Variants in PAX3 observed in about 807,000 individuals in gnomAD.
PAX3 encodes the protein paired box protein Pax-3.
PAX3 carries 14 observed loss-of-function variants against 51.6 expected under a neutral mutation model. That is an observed-to-expected ratio of 0.27 (90% CI 0.18 to 0.42). PAX3 has a LOEUF of 0.42. PAX3 is among the 10% of genes least tolerant of loss of function. PAX3 has a pLI of 1.00. For synonymous variants in PAX3, 280 were observed against 253.4 expected (o/e 1.11, Z -1.00); for missense variants, 540 against 642.8 (o/e 0.84, Z 1.73).
At chr2:222,250,517 AG>A (rs1693388603) in intron 4 of PAX3, among the ~76,000 whole-genome samples, 1 of 152,222 alleles carries the variant, frequency 6.6e-6, no homozygotes, top group Non-Finnish European at 1.5e-5. Context: ...ACTTCGAAAA[AG>A]GTATTATGAA....
chr2:222,298,461 C>A, intron 1 of PAX3, 70 bp downstream of exon 1: 3 of 1,314,294 alleles, frequency 2.3e-6, no homozygotes, highest in Non-Finnish European at 3.2e-6. Flanking sequence ...GCCTGCGGAG[C>A]CTGGGGATGG....
intron 5 of PAX3, among the ~76,000 whole-genome samples, chr2:222,230,854 CAAAA>C (rs5838938): frequency 3.7e-5 from 4 of 108,724 alleles, no homozygotes; most frequent in African/African-American, 3.8e-5. Flanking sequence ...GACTCCACCT[CAAAA>C]AAAAAAAAAA....
intron 4 of PAX3, among the ~76,000 whole-genome samples, chr2:222,253,709 G>A (rs1390430207): frequency 6.6e-6 from 1 of 151,560 alleles, no homozygotes; most frequent in Non-Finnish European, 1.5e-5. Context: ...GGAGTGCAGT[G>A]TCATGATCCT....
At chr2:222,257,842 C>T (rs1043769387) in intron 4 of PAX3, among the ~76,000 whole-genome samples, 1 of 152,188 alleles carries the variant, frequency 6.6e-6, no homozygotes, top group Non-Finnish European at 1.5e-5. Context: ...CCCAGGGTCA[C>T]CCCCACGCTG....
chr2:222,274,939 T>C (rs1455743812), intron 4 of PAX3, among the ~76,000 whole-genome samples: 1 of 152,210 alleles, frequency 6.6e-6, no homozygotes, highest in East Asian at 1.9e-4. Flanking sequence ...GTTTTGTCTG[T>C]GGATATGGAA....
chr2:222,217,763 C>A (rs1363105078), intron 7 of PAX3, among the ~76,000 whole-genome samples: 1 of 152,112 alleles, frequency 6.6e-6, no homozygotes, highest in Non-Finnish European at 1.5e-5. Context: ...GACATGAACT[C>A]GTTGCTTCAC....
chr2:222,261,798 G>A (rs1417539033), intron 4 of PAX3, among the ~76,000 whole-genome samples: 3 of 152,138 alleles, frequency 2.0e-5, no homozygotes, highest in African/African-American at 7.2e-5. Context: ...TGATATAAAA[G>A]CCATGAGGAG....
intron 5 of PAX3, among the ~76,000 whole-genome samples, chr2:222,224,436 G>A (rs1369986911): frequency 6.6e-6 from 1 of 152,140 alleles, no homozygotes; most frequent in Non-Finnish European, 1.5e-5. Context: ...ACCATTGCCA[G>A]CCTTCTGCAT....
At chr2:222,298,407 G>A (rs1419355277) in intron 1 of PAX3, 124 bp downstream of exon 1, 1 of 749,396 alleles carries the variant, frequency 1.3e-6, no homozygotes, top group African/African-American at 1.7e-5. Flanking sequence ...GCTTCTTGGG[G>A]TGTGGGGTGC....
At chr2:222,293,084 G>A (rs776133544) in intron 4 of PAX3, among the ~76,000 whole-genome samples, 1 of 152,190 alleles carries the variant, frequency 6.6e-6, no homozygotes, top group African/African-American at 2.4e-5. Context: ...GCTAGTCACA[G>A]TCGGCAACGG....
chr2:222,294,020 TC>T, intron 4 of PAX3, 146 bp downstream of exon 4: 2 of 1,551,178 alleles, frequency 1.3e-6, no homozygotes, highest in South Asian at 1.2e-5. Flanking sequence ...GTCTTTCAGT[TC>T]CATGTCGTTA....
intron 7 of PAX3, among the ~76,000 whole-genome samples, chr2:222,207,425 A>G (rs1465076399): frequency 6.6e-6 from 1 of 152,220 alleles, no homozygotes; most frequent in African/African-American, 2.4e-5. Context: ...CCTGAGAGTT[A>G]GGGAAAGGCC....
intron 4 of PAX3, chr2:222,262,641 T>G (rs1211621441): frequency 3.3e-5 from 5 of 151,910 alleles, no homozygotes; most frequent in Non-Finnish European, 7.4e-5. Flanking sequence ...AATTAACAAA[T>G]TTATGTGGAC....
intron 4 of PAX3, among the ~76,000 whole-genome samples, chr2:222,249,923 T>G (rs1025903874): frequency 2.6e-5 from 4 of 151,980 alleles, no homozygotes; most frequent in Non-Finnish European, 2.9e-5. Context: ...CTACCTAGAG[T>G]CTTTGATAGG....
At chr2:222,293,723 T>C in intron 4 of PAX3, 1 of 1,614,144 alleles carries the variant, frequency 6.2e-7, no homozygotes, top group Non-Finnish European at 8.5e-7. Context: ...TCTCTCTCCT[T>C]TAATGCGAGG....
At chr2:222,251,618 T>A (rs1693436135) in intron 4 of PAX3, among the ~76,000 whole-genome samples, 1 of 152,214 alleles carries the variant, frequency 6.6e-6, no homozygotes. Context: ...CCTTTGGGTA[T>A]ATACTCAGTA....
rs191812699 is a variant in PAX3, at chr2:222,281,328, G to A, written c.586+12839C>T. Reference sequence around the variant, plus strand: ...CCCATCTACTTGGGAATCACGAAACGGAAAATTAAAACATTTTCCCCAGAT... The same window carrying A: ...CCCATCTACTTGGGAATCACGAAACAGAAAATTAAAACATTTTCCCCAGAT... On this transcript the variant is annotated intron_variant, in intron 4 of 8. Transcript: ENST00000392070. 1.5e-3 allele frequency among the ~76,000 whole-genome samples: 229 copies of A among 152,240 alleles called. 3 individuals carry two copies. Among genetic ancestry groups the A allele is most frequent in the Admixed American group, 0.013 (199 of 15,296 alleles).
chr2:222,237,991 A>T (rs571078154), intron 4 of PAX3, among the ~76,000 whole-genome samples: 33 of 152,326 alleles, frequency 2.2e-4, no homozygotes, highest in South Asian at 2.1e-4. Flanking sequence ...TCTGTGCTTT[A>T]TAAGAAAGTT....
chr2:222,260,565 GTTTTTTTTT>G (rs869129158), intron 4 of PAX3, among the ~76,000 whole-genome samples: 99 of 55,858 alleles, frequency 1.8e-3, no homozygotes, highest in African/African-American at 5.2e-3. Flanking sequence ...TTTTTTTTTT[GTTTTTTTTT>G]TTTGTTTTTT....
Sources: gnomAD v4.1 joint callset for allele counts (sites outside exome capture counted in the v4.1 genomes callset) on GRCh38, gnomAD v4.1.1 for gene constraint, MANE v1.5 for transcripts, NCBI Gene and HGNC (gene_info 2026-07-23, HGNC 2026-07-21) for gene names.